PHACTR4: variants seen among roughly 807,000 people sequenced by gnomAD.
The protein encoded by PHACTR4 is phosphatase and actin regulator 4.
A neutral mutation model predicts 72.7 loss-of-function variants in PHACTR4; 51 were observed. The ratio of observed to expected loss-of-function variants is 0.70; its 90% CI spans 0.56 to 0.89. The LOEUF is 0.89. Ranked by LOEUF, PHACTR4 falls within the 40% of genes least tolerant of loss-of-function variation. The pLI, the probability that PHACTR4 is intolerant of heterozygous loss-of-function variation, is 0.00. For missense variants in PHACTR4, 731 were observed against 861.8 expected (o/e 0.85, Z 1.90); for synonymous variants, 255 against 302.5 (o/e 0.84, Z 1.63).
At chr1:28,445,284 T>C (rs1200952521) in intron 2 of PHACTR4, among the ~76,000 whole-genome samples, 1 of 152,148 alleles carries the variant, frequency 6.6e-6, no homozygotes, top group East Asian at 1.9e-4. Flanking sequence ...AGACAGAGTC[T>C]CGCTATGTTG....
chr1:28,490,843 C>CAA (rs377077670), intron 10 of PHACTR4, 108 bp from the exon 11 acceptor site: 1,945 of 900,980 alleles, frequency 2.2e-3, no homozygotes, highest in Non-Finnish European at 2.4e-3. Flanking sequence ...AACTCCGTCT[C>CAA]AAAAAAAAAA....
At chr1:28,401,781 A>G (rs1048057018) in intron 1 of PHACTR4, among the ~76,000 whole-genome samples, 1 of 152,114 alleles carries the variant, frequency 6.6e-6, no homozygotes, top group Admixed American at 6.6e-5. Flanking sequence ...AAATTTTTTT[A>G]GAGACAGGGA....
intron 1 of PHACTR4, among the ~76,000 whole-genome samples, chr1:28,394,612 T>TG (rs200042184): frequency 1.3e-5 from 2 of 151,382 alleles, no homozygotes; most frequent in Non-Finnish European, 2.9e-5. Context: ...TTTTTTTTTT[T>TG]GGAGATGGAG....
At chr1:28,465,614 G>T (rs1659101350) in intron 4 of PHACTR4, 71 bp from the exon 5 acceptor site, 3 of 1,448,810 alleles carry the variant, frequency 2.1e-6, no homozygotes, top group Admixed American at 2.2e-5. Context: ...AAGAAAAAAA[G>T]AAATTACTAA....
intron 1 of PHACTR4, among the ~76,000 whole-genome samples, chr1:28,394,324 GACAGA>G (rs1319889426): frequency 6.7e-6 from 1 of 148,554 alleles, no homozygotes; most frequent in East Asian, 2.0e-4. Flanking sequence ...GGAGGAGAGA[GACAGA>G]GCAGAGAGAG....
chr1:28,476,011 A>G, intron 7 of PHACTR4, 96 bp from the exon 8 acceptor site: 1 of 1,207,668 alleles, frequency 8.3e-7, no homozygotes, highest in Non-Finnish European at 1.1e-6. Flanking sequence ...TACAGCCATG[A>G]GCCACCACGC....
intron 2 of PHACTR4, among the ~76,000 whole-genome samples, chr1:28,447,988 G>T (rs887224590): frequency 6.6e-6 from 1 of 152,128 alleles, no homozygotes; most frequent in Non-Finnish European, 1.5e-5. Flanking sequence ...GTTGTTTAAA[G>T]CCAATAATAA....
chr1:28,457,006 C>T (rs1238415231), intron 2 of PHACTR4, among the ~76,000 whole-genome samples: 1 of 152,052 alleles, frequency 6.6e-6, no homozygotes, highest in Non-Finnish European at 1.5e-5. Context: ...CCAGAATGTC[C>T]TTGTATAAGT....
chr1:28,472,854 T>A (rs1309260087), intron 6 of PHACTR4, among the ~76,000 whole-genome samples: 3 of 137,260 alleles, frequency 2.2e-5, no homozygotes, highest in Non-Finnish European at 4.6e-5. Flanking sequence ...CTGACCTAAG[T>A]AATCTGCCCA....
At chr1:28,438,564 A>T in intron 2 of PHACTR4, 1 of 954,342 alleles carries the variant, frequency 1.0e-6, no homozygotes, top group Non-Finnish European at 1.5e-6. Flanking sequence ...ATGTTTGTGA[A>T]GAATGAATGA....
chr1:28,433,462 CTT>C (rs567134987), intron 2 of PHACTR4, among the ~76,000 whole-genome samples: 4 of 130,486 alleles, frequency 3.1e-5, no homozygotes, highest in Admixed American at 1.6e-4. Flanking sequence ...TTCTTTTTTT[CTT>C]TTTTTTTTTT....
chr1:28,462,678 A>G (rs546753872), intron 4 of PHACTR4, among the ~76,000 whole-genome samples: 47 of 152,200 alleles, frequency 3.1e-4, no homozygotes, highest in Non-Finnish European at 5.6e-4. Flanking sequence ...CTTTTGCCCT[A>G]TACTTTCTAT....
chr1:28,427,746 A>G (rs1257707062), intron 2 of PHACTR4, among the ~76,000 whole-genome samples: 1 of 152,076 alleles, frequency 6.6e-6, no homozygotes, highest in Non-Finnish European at 1.5e-5. Context: ...ATCTAATGTA[A>G]TGGGAAGAGG....
intron 2 of PHACTR4, among the ~76,000 whole-genome samples, chr1:28,444,243 T>TTTTTTTTTTC (rs1553194313): frequency 1.0e-5 from 1 of 97,376 alleles, no homozygotes; most frequent in Non-Finnish European, 2.1e-5. Context: ...TTTTTTTTTT[T>TTTTTTTTTTC]TGAGACAGAG....
At chr1:28,400,201 C>T (rs903723132) in intron 1 of PHACTR4, among the ~76,000 whole-genome samples, 3 of 151,996 alleles carry the variant, frequency 2.0e-5, no homozygotes, top group African/African-American at 4.8e-5. Context: ...GGTGAAACCC[C>T]ATCTCTTCTA....
intron 9 of PHACTR4, 127 bp from the exon 10 acceptor site, chr1:28,489,043 T>C (rs187146626): frequency 5.5e-5 from 33 of 597,096 alleles, no homozygotes; most frequent in African/African-American, 3.9e-4. Flanking sequence ...AAATGAAATA[T>C]ATCAGTTTGA....
intron 1 of PHACTR4, among the ~76,000 whole-genome samples, chr1:28,381,168 G>A (rs994162348): frequency 5.3e-5 from 8 of 150,840 alleles, no homozygotes; most frequent in African/African-American, 1.7e-4. Context: ...CACCACGCCC[G>A]GCTAATTTTT....
At position 28,466,777 on chromosome 1, in the gene PHACTR4, G is replaced by A; in HGVS notation, c.823+9G>A. 6.3e-7 allele frequency: 1 copy of A among 1,599,478 alleles called. No homozygotes were observed. Among genetic ancestry groups the A allele is most frequent in the Non-Finnish European group, 8.5e-7 (1 of 1,170,966 alleles). On this transcript the variant is annotated intron_variant, in intron 6 of 13. Transcript: ENST00000373839. ...TAGCAACCCTGTCATTGGTAAGTAA[G>A]TCTTTAGGCTTCCAGTGTTTTGGGT...
At chr1:28,474,228 AG>A in intron 7 of PHACTR4, 77 bp downstream of exon 7, 3 of 1,380,332 alleles carry the variant, frequency 2.2e-6, no homozygotes, top group Non-Finnish European at 3.0e-6. Context: ...ACTTATAAAA[AG>A]AAAATGTGGG....
Sources: gnomAD v4.1 joint callset for allele counts (sites outside exome capture counted in the v4.1 genomes callset) on GRCh38, gnomAD v4.1.1 for gene constraint, MANE v1.5 for transcripts, NCBI Gene and HGNC (gene_info 2026-07-23, HGNC 2026-07-21) for gene names.